NEK1: variants seen among roughly 807,000 people sequenced by gnomAD.
The protein encoded by NEK1 is serine/threonine-protein kinase Nek1.
Under a neutral mutation model 182.1 loss-of-function variants are expected in NEK1, and 137 were observed. The ratio of observed to expected loss-of-function variants is 0.75; its 90% confidence interval spans 0.65 to 0.87. The LOEUF (loss-of-function observed/expected upper bound fraction) is 0.87, where lower values mean the gene tolerates loss of function less well. Ranked by LOEUF, NEK1 falls within the 40% of genes least tolerant of loss-of-function variation. The pLI, the probability that NEK1 is intolerant of heterozygous loss-of-function variation, is 0.00. For synonymous variants in NEK1, 513 were observed against 492.2 expected, an observed-to-expected ratio of 1.04 and a Z score of -0.56; for missense variants, 1,391 against 1,494.4, an observed-to-expected ratio of 0.93 and a Z score of 1.14.
chr4:169,604,833 C>T (rs769632142), intron 2 of NEK1, among the ~76,000 whole-genome samples: 10 of 152,098 alleles, frequency 6.6e-5, no homozygotes, highest in Non-Finnish European at 1.3e-4. Context: ...TTGCCTTTAG[C>T]AACTTTAAGA....
intron 12 of NEK1, among the ~76,000 whole-genome samples, chr4:169,567,720 A>G (rs114632638): frequency 1.1e-4 from 16 of 152,318 alleles, no homozygotes; most frequent in Non-Finnish European, 1.5e-4. Context: ...AATAAGCTAT[A>G]TAATACTTCA....
chr4:169,563,925 A>G (rs1159516999), intron 12 of NEK1, among the ~76,000 whole-genome samples: 1 of 152,184 alleles, frequency 6.6e-6, no homozygotes. Context: ...TATTGCTGTA[A>G]TAAATCCTAT....
chr4:169,488,884 G>A (rs1398092694), intron 23 of NEK1, among the ~76,000 whole-genome samples: 3 of 151,826 alleles, frequency 2.0e-5, no homozygotes, highest in Non-Finnish European at 4.4e-5. Flanking sequence ...ATATTAAGCT[G>A]GATCTAAATA....
chr4:169,478,190 A>T (rs911237300), intron 24 of NEK1, among the ~76,000 whole-genome samples: 8 of 152,104 alleles, frequency 5.3e-5, no homozygotes, highest in South Asian at 2.1e-4. Flanking sequence ...TTCAAAGAAC[A>T]ATTTTCTAAG....
chr4:169,597,892 C>T (rs1410787005), intron 5 of NEK1, among the ~76,000 whole-genome samples: 3 of 151,920 alleles, frequency 2.0e-5, no homozygotes, highest in Admixed American at 2.0e-4. Flanking sequence ...CGAGATTGTG[C>T]CACTCCACTC....
In NEK1 at chr4:169,604,997, C is replaced by T. The variant is rs1343442288; in HGVS notation, c.-48-2319G>A. 2.0e-5 allele frequency among the ~76,000 whole-genome samples: 3 copies of T among 152,130 alleles called. No individual in the cohort carries two copies. In the East Asian group the frequency reaches 5.8e-4, roughly 29 times the overall value. ...CCACAATTTAATGATTTTTCCAGAACATGAATGTTTAATATATTACATTAC... is the reference window on the plus strand; with the variant it reads ...CCACAATTTAATGATTTTTCCAGAATATGAATGTTTAATATATTACATTAC... On this transcript the variant is annotated intron_variant, in intron 2 of 35. Coordinates refer to ENST00000507142, the MANE Select transcript of NEK1 (RefSeq NM_001199397.3).
chr4:169,399,257 A>C (rs929738577), intron 35 of NEK1, among the ~76,000 whole-genome samples: 1 of 150,388 alleles, frequency 6.6e-6, no homozygotes, highest in African/African-American at 2.5e-5. Context: ...ACACACAAAA[A>C]ACGTTTAATA....
intron 5 of NEK1, among the ~76,000 whole-genome samples, chr4:169,591,678 T>TA (rs570901433): frequency 9.3e-5 from 14 of 150,324 alleles, no homozygotes; most frequent in Admixed American, 4.6e-4. Context: ...ATTTTTAAAC[T>TA]AAAAAAAAAT....
In NEK1 at chr4:169,463,387, C is replaced by T; in HGVS notation, c.2443G>A (p.Val815Met). The T allele has an allele frequency of 1.9e-6, 3 of 1,598,308 alleles. No homozygotes were observed. Among genetic ancestry groups the T allele is most frequent in the Non-Finnish European group, 2.6e-6 (3 of 1,171,400 alleles). ...GGACCTAATTTAATAACTTCTCCCA[C>T]TGTATGTCCTATAAGAAAAATATAC... ...TSFSTTERHT[V>M]GEVIKLGPNG... is the part of the protein sequence containing the mutation. The change falls in exon 27 of 36, where the codon GTG (valine) becomes ATG (methionine). Residue 815 changes from valine (V) to methionine (M), a missense_variant. By Grantham distance (21) the Val-to-Met change is conservative. Transcript: ENST00000507142.
chr4:169,545,783 G>C (rs1257543046), intron 18 of NEK1, among the ~76,000 whole-genome samples: 1 of 151,980 alleles, frequency 6.6e-6, no homozygotes, highest in African/African-American at 2.4e-5. Flanking sequence ...GTTTTGATTT[G>C]CATTTCTCTG....
At chr4:169,474,190 C>G (rs760782540) in intron 26 of NEK1, among the ~76,000 whole-genome samples, 2 of 152,082 alleles carry the variant, frequency 1.3e-5, no homozygotes, top group African/African-American at 4.8e-5. Flanking sequence ...AGAAGTAGTT[C>G]TAGTGAACTA....
intron 23 of NEK1, among the ~76,000 whole-genome samples, chr4:169,495,118 G>T (rs188078258): frequency 0.032 from 4,874 of 151,856 alleles, 100 homozygotes; most frequent in Middle Eastern, 0.054. Flanking sequence ...GTCAATTTTG[G>T]CTTTTGTTGC....
intron 5 of NEK1, among the ~76,000 whole-genome samples, chr4:169,591,052 T>G (rs754870305): frequency 1.6e-4 from 25 of 152,136 alleles, no homozygotes; most frequent in Non-Finnish European, 2.9e-4. Flanking sequence ...GGAAAGTAAC[T>G]TTATGAGTGA....
chr4:169,398,829 A>G (rs1731152698), intron 35 of NEK1, among the ~76,000 whole-genome samples: 1 of 152,230 alleles, frequency 6.6e-6, no homozygotes, highest in African/African-American at 2.4e-5. Flanking sequence ...TGCTAAAATT[A>G]AGCATCAACA....
chr4:169,416,966 G>A (rs1258150264), intron 31 of NEK1, among the ~76,000 whole-genome samples: 1 of 152,150 alleles, frequency 6.6e-6, no homozygotes, highest in African/African-American at 2.4e-5. Flanking sequence ...ACAGTAATAA[G>A]TGAAGCTGAA....
intron 23 of NEK1, among the ~76,000 whole-genome samples, chr4:169,505,299 C>T (rs539208616): frequency 3.3e-5 from 5 of 152,064 alleles, no homozygotes; most frequent in Non-Finnish European, 7.4e-5. Context: ...CTCTGCCACC[C>T]GAGACAGCAA....
At position 169,495,066 on chromosome 4, in the gene NEK1, T is replaced by C. The variant is rs1206487855; in HGVS notation, c.2007+11971A>G. Among the ~76,000 whole-genome samples, 22 of 152,230 alleles carry C rather than the reference T, an allele frequency of 1.4e-4. No homozygotes were observed. The East Asian group carries it at 3.5e-3, about 24-fold the overall frequency. ...GCCTGTTCACTCTGATGGTAGTTTC[T>C]TTTGCTGTGCAGAAGCTCTTTATTT... On this transcript the variant is annotated intron_variant, in intron 23 of 35. Transcript: ENST00000507142.
intron 24 of NEK1, 33 bp from the exon 25 acceptor site, chr4:169,477,530 A>C (rs761827302): frequency 1.9e-5 from 29 of 1,489,606 alleles, no homozygotes; most frequent in Non-Finnish European, 2.4e-5. Context: ...AGGAAGAGAT[A>C]ATTTTATTTT....
chr4:169,397,817 A>C (rs2110966562), intron 35 of NEK1, among the ~76,000 whole-genome samples: 1 of 152,338 alleles, frequency 6.6e-6, no homozygotes, highest in African/African-American at 2.4e-5. Context: ...TGATTGTTAC[A>C]GCTCTCCACT....
Sources: gnomAD v4.1 joint callset for allele counts (sites outside exome capture counted in the v4.1 genomes callset) on GRCh38, gnomAD v4.1.1 for gene constraint, MANE v1.5 for transcripts, NCBI Gene and HGNC (gene_info 2026-07-23, HGNC 2026-07-21) for gene names.